PABIR2: variants seen among roughly 807,000 people sequenced by gnomAD.
PABIR2 encodes the protein PABIR family member 2.
In PABIR2, 7 loss-of-function variants were observed where a neutral mutation model predicts 22.8. That is an observed-to-expected ratio of 0.31 (90% CI 0.17 to 0.58). The LOEUF (loss-of-function observed/expected upper bound fraction) is 0.58, where lower values mean the gene tolerates loss of function less well. Ranked by LOEUF, PABIR2 falls within the 20% of genes least tolerant of loss-of-function variation. PABIR2 has a pLI of 0.89. For missense variants in PABIR2, 155 were observed against 205.1 expected (o/e 0.76, Z 1.49); for synonymous variants, 67 against 73.8 (o/e 0.91, Z 0.47).
rs1042514236 is a variant in PABIR2 at position 134,797,094 on chromosome X, G to T, written c.-889C>A. 4 of 113,872 alleles carry T rather than the reference G, an allele frequency of 3.5e-5. No individual in the cohort carries two copies. Among genetic ancestry groups the T allele is most frequent in the Admixed American group, 2.7e-4 (3 of 10,920 alleles). The allele number at this position is 113,872 out of a possible 1,213,427, so 9.4% of individuals were successfully genotyped here. ...GGGTTCTAATGGTCTGGGGGAACCC[G>T]TTGGGGCCAAGACCAAAATCTACAA... On this transcript the variant is annotated 5_prime_UTR_variant, in exon 1 of 10. Transcript: ENST00000343004.
Position 134,771,924 on chromosome X carries a change from C to G in PABIR2, c.*215G>C. On this transcript the variant is annotated 3_prime_UTR_variant, in exon 10 of 10. Coordinates refer to ENST00000343004, the MANE Select transcript of PABIR2 (RefSeq NM_001387468.1). ...AGCATTTGAGATTTAATCACTAAAT[C>G]CAAAATGAGATCAGCAAAACCAGAT... The G allele has an allele frequency of 1.0e-6, 1 of 952,645 alleles. No individual in the cohort carries two copies. The highest frequency in any genetic ancestry group is 5.2e-5 in the South Asian group (1 of 19,320). The allele number at this position is 952,645 out of a possible 1,213,427, so 78.5% of individuals were successfully genotyped here. A position where few individuals can be genotyped will look rare whatever the true frequency, so the allele number is the denominator to read the frequency against.
In PABIR2 at chrX:134,795,996, C is replaced by A. The variant is rs754260966; in HGVS notation, c.98+112G>T. On this transcript the variant is annotated intron_variant, in intron 1 of 9. Transcript: ENST00000343004. Reference sequence around the variant, plus strand: ...TCAAGCAAACAAGTCGCCACCCCCTCAGGTTGAAGAGCCCAAATGAGCTCA... The same window carrying A: ...TCAAGCAAACAAGTCGCCACCCCCTAAGGTTGAAGAGCCCAAATGAGCTCA... 3.7e-5 allele frequency: 25 copies of A among 675,505 alleles called. No individual in the cohort carries two copies. In the African/African-American group the frequency reaches 4.4e-4, roughly 12 times the overall value. The allele number at this position is 675,505 out of a possible 1,213,427, so 55.7% of individuals were successfully genotyped here.
chrX:134,777,975 C>T (rs1362219762), intron 9 of PABIR2, among the ~76,000 whole-genome samples: 1 of 98,295 alleles, frequency 1.0e-5, no homozygotes, highest in African/African-American at 3.8e-5. Flanking sequence ...CTCACTGCTA[C>T]CTCTGCCACC....
At chrX:134,777,646 G>A (rs1174171564) in intron 9 of PABIR2, among the ~76,000 whole-genome samples, 1 of 109,673 alleles carries the variant, frequency 9.1e-6, no homozygotes, top group Non-Finnish European at 1.9e-5. Flanking sequence ...AGACCAGCCT[G>A]ACCAACATGA....
intron 8 of PABIR2, among the ~76,000 whole-genome samples, chrX:134,785,527 C>T (rs888537825): frequency 6.4e-5 from 7 of 109,399 alleles, no homozygotes; most frequent in African/African-American, 1.7e-4. Context: ...CCACAACCTC[C>T]GCCTCCCAAG....
intron 9 of PABIR2, among the ~76,000 whole-genome samples, chrX:134,776,682 T>C (rs893317132): frequency 9.0e-6 from 1 of 111,723 alleles, no homozygotes; most frequent in African/African-American, 3.3e-5. Context: ...TCCAAATGGG[T>C]CCACACTCAA....
intron 2 of PABIR2, chrX:134,793,569 A>C: frequency 2.2e-6 from 1 of 461,330 alleles, no homozygotes; most frequent in South Asian, 2.6e-5. Context: ...GCCTGATGCA[A>C]GTAGTGACAA....
intron 6 of PABIR2, among the ~76,000 whole-genome samples, chrX:134,788,026 T>C (rs1211811860): frequency 1.9e-5 from 2 of 105,164 alleles, no homozygotes; most frequent in Admixed American, 1.0e-4. Context: ...CTAAATTACA[T>C]ATATATATAT....
At chrX:134,780,440 G>A (rs752581390) in intron 9 of PABIR2, among the ~76,000 whole-genome samples, 36 of 111,629 alleles carry the variant, frequency 3.2e-4, no homozygotes, top group Non-Finnish European at 5.3e-4. Flanking sequence ...ATAGCTAGGC[G>A]TGGTGGCCCA....
chrX:134,770,259 T>C lies in PABIR2; in HGVS notation c.*1880A>G, dbSNP rs1039559506. The C allele has an allele frequency of 1.8e-5, 2 of 112,213 alleles. No homozygotes were observed. The highest frequency in any genetic ancestry group is 3.8e-5 in the Non-Finnish European group (2 of 53,170). 9.2% of individuals were successfully genotyped at this position (112,213 alleles called of 1,213,427 possible). The stretch of plus-strand genomic sequence containing the variant: ...TTACAAACAGAATAGATACACTGCA[T>C]ACCATCGAAGAATTTTTTCTTTATA... On this transcript the variant is annotated 3_prime_UTR_variant, in exon 10 of 10. Transcript: ENST00000343004.
chrX:134,788,365 G>A (rs1280598038), intron 6 of PABIR2, among the ~76,000 whole-genome samples: 3 of 61,662 alleles, frequency 4.9e-5, no homozygotes, highest in African/African-American at 6.4e-5. Flanking sequence ...ATATATACAC[G>A]TTATATATGT....
chrX:134,788,146 T>C lies in PABIR2; in HGVS notation c.435+584A>G, dbSNP rs181569635. Among the ~76,000 whole-genome samples, 534 of 90,144 alleles carry C rather than the reference T, an allele frequency of 5.9e-3. 11 individuals carry two copies. The highest frequency in any genetic ancestry group is 0.049 in the Admixed American group (396 of 8,001). 78.3% of individuals were successfully genotyped at this position (90,144 alleles called of 115,157 possible). A position where few individuals can be genotyped will look rare whatever the true frequency, so the allele number is the denominator to read the frequency against. On this transcript the variant is annotated intron_variant, in intron 6 of 9. Coordinates refer to ENST00000343004, the MANE Select transcript of PABIR2 (RefSeq NM_001387468.1). ...ATACACGTTATATATGTGTAATATATACGTTATATATGTGTAATATATACA... is the reference window on the plus strand; with the variant it reads ...ATACACGTTATATATGTGTAATATACACGTTATATATGTGTAATATATACA...
intron 9 of PABIR2, among the ~76,000 whole-genome samples, chrX:134,780,760 C>T (rs2079135600): frequency 8.9e-6 from 1 of 111,900 alleles, no homozygotes; most frequent in South Asian, 3.7e-4. Flanking sequence ...TGCACATGAG[C>T]ACTCAAGTGC....
intron 9 of PABIR2, among the ~76,000 whole-genome samples, chrX:134,779,081 T>C (rs2079085495): frequency 9.0e-6 from 1 of 111,721 alleles, no homozygotes; most frequent in Non-Finnish European, 1.9e-5. Flanking sequence ...CCCAAAGTGC[T>C]GGGATTACAG....
Position 134,770,507 on chromosome X carries a change from TTAC to T in PABIR2, c.*1629_*1631del, listed in dbSNP as rs1276302732. On this transcript the variant is annotated 3_prime_UTR_variant, in exon 10 of 10. Transcript: ENST00000343004. Reference sequence around the variant, plus strand: ...GGGTTTCCCTTCAAACCATATGCTATTACTAGTCTCTGAGTGCCTTCAAAGCAC... The same window carrying T: ...GGGTTTCCCTTCAAACCATATGCTATTAGTCTCTGAGTGCCTTCAAAGCAC... The T allele has an allele frequency of 8.9e-6, 1 of 112,981 alleles. No homozygotes were observed. The highest frequency in any genetic ancestry group is 1.9e-5 in the Non-Finnish European group (1 of 53,316). The allele number at this position is 112,981 out of a possible 1,213,427, so 9.3% of individuals were successfully genotyped here. A position where few individuals can be genotyped will look rare whatever the true frequency, so the allele number is the denominator to read the frequency against.
At chrX:134,789,718 C>A (rs1162250305) in intron 2 of PABIR2, 82 bp from the exon 3 acceptor site, 2 of 859,789 alleles carry the variant, frequency 2.3e-6, no homozygotes, top group Non-Finnish European at 3.2e-6. Flanking sequence ...CAACCTCTTC[C>A]TAGGTAAGTT....
intron 1 of PABIR2, 88 bp downstream of exon 1, chrX:134,796,020 C>A: frequency 1.1e-6 from 1 of 937,441 alleles, no homozygotes; most frequent in Non-Finnish European, 1.5e-6. Context: ...CAAATGAGCT[C>A]AAACGTGCAC....
intron 8 of PABIR2, among the ~76,000 whole-genome samples, chrX:134,784,080 CAAAA>C (rs760399864): frequency 2.1e-5 from 1 of 48,421 alleles, no homozygotes; most frequent in Non-Finnish European, 4.1e-5. Context: ...GACCTTGCCT[CAAAA>C]AAAAAAAAAA....
Position 134,787,490 on chromosome X carries a change from C to G in PABIR2, c.479G>C (p.Ser160Thr). The G allele has an allele frequency of 8.3e-7, 1 of 1,210,015 alleles. No homozygotes were observed. Residue 160 changes from serine (S) to threonine (T), a missense_variant, in exon 7 of 10, where the codon AGT becomes ACT. Transcript: ENST00000343004. ...SSGLPPSPVPSPRRFSSRRSQ... is the reference protein window; with the variant it reads ...SSGLPPSPVPTPRRFSSRRSQ... Reference sequence around the variant, plus strand: ...TGCTTACCTTGAAAATCGTCTTGGACTGGGAACTGGACTTGGTGGCAATCC... The same window carrying G: ...TGCTTACCTTGAAAATCGTCTTGGAGTGGGAACTGGACTTGGTGGCAATCC...
Sources: gnomAD v4.1 joint callset for allele counts (sites outside exome capture counted in the v4.1 genomes callset) on GRCh38, gnomAD v4.1.1 for gene constraint, MANE v1.5 for transcripts, NCBI Gene and HGNC (gene_info 2026-07-23, HGNC 2026-07-21) for gene names.